The following ARAP1 variants were observed in gnomAD, a reference collection of about 807,000 sequenced individuals.
ARAP1 encodes arf-GAP with Rho-GAP domain, ANK repeat and PH domain-containing protein 1.
In ARAP1, 76 loss-of-function variants were observed where a neutral mutation model predicts 172.2. The ratio of observed to expected loss-of-function variants is 0.44; its 90% confidence interval spans 0.37 to 0.53. ARAP1 has a LOEUF of 0.53. Among genes scored for constraint, ARAP1 ranks in the 20% least tolerant of loss-of-function variants. The pLI is 0.00. For synonymous variants in ARAP1, 804 were observed against 803.3 expected (o/e 1.00, Z -0.01); for missense variants, 1,686 against 1,977.5 (o/e 0.85, Z 2.80).
rs533442573 is a variant in ARAP1, at chr11:72,720,503, G to A, written c.509+6117C>T. ...CACAAGCCGGGAGCCCCTAGGGCCA[G>A]TCCTCTCCATGCCGCCAGCAGTTCC... On this transcript the variant is annotated intron_variant, in intron 3 of 34. Transcript: ENST00000393609. 3.3e-5 allele frequency among the ~76,000 whole-genome samples: 5 copies of A among 152,298 alleles called. No homozygotes were observed. In the South Asian group the frequency reaches 1.0e-3, roughly 32 times the overall value.
At chr11:72,712,984 C>T (rs555498623) in intron 5 of ARAP1, 192 bp downstream of exon 5, 102 of 650,924 alleles carry the variant, frequency 1.6e-4, no homozygotes, top group African/African-American at 1.6e-3. Flanking sequence ...ACCAGAGCCC[C>T]GACCCCTGGC....
In ARAP1 at chr11:72,726,502, G is replaced by GT; in HGVS notation, c.509+117dup. On this transcript the variant is annotated intron_variant, in intron 3 of 34. Transcript: ENST00000393609. This position sits in a 1 kb window ranked among gnomAD's most constrained non-coding sequence, Gnocchi z 6.5. ...CTGTCCTCCGAGCTTTGCACACGCT[G>GT]TTCCCCCTGCACTTCCGAAGTGCCT... The GT allele has an allele frequency of 7.6e-7, 1 of 1,314,774 alleles. No homozygotes were observed. The highest frequency in any genetic ancestry group is 1.0e-6 in the Non-Finnish European group (1 of 988,982). 81.4% of individuals were successfully genotyped at this position (1,314,774 alleles called of 1,614,324 possible). A position where few individuals can be genotyped will look rare whatever the true frequency, so the allele number is the denominator to read the frequency against.
At chr11:72,707,118 C>T in intron 12 of ARAP1, 57 bp downstream of exon 12, 1 of 1,475,248 alleles carries the variant, frequency 6.8e-7, no homozygotes, top group Non-Finnish European at 9.1e-7. Flanking sequence ...TACCTGCCAT[C>T]CCAACTGGCC....
chr11:72,713,109 G>C (rs1279771410), intron 5 of ARAP1, 67 bp downstream of exon 5: 1 of 1,517,496 alleles, frequency 6.6e-7, no homozygotes, highest in Non-Finnish European at 9.1e-7. Flanking sequence ...TAGTCCTCAG[G>C]GTCTGACAGG....
intron 13 of ARAP1, chr11:72,705,384 T>A (rs1036049377): frequency 1.2e-5 from 2 of 162,526 alleles, no homozygotes; most frequent in East Asian, 1.8e-4. Flanking sequence ...GTGGTCAATA[T>A]GCATTTACAG....
At chr11:72,716,963 C>T (rs1366285695) in intron 3 of ARAP1, among the ~76,000 whole-genome samples, 1 of 152,198 alleles carries the variant, frequency 6.6e-6, no homozygotes, top group Non-Finnish European at 1.5e-5. Flanking sequence ...GTGGGCACTG[C>T]ACCAGGCCGT....
Position 72,726,851 on chromosome 11 carries a change from G to A in ARAP1, c.278C>T (p.Pro93Leu). The A allele has an allele frequency of 1.3e-6, 2 of 1,561,642 alleles. No individual in the cohort carries two copies. The highest frequency in any genetic ancestry group is 1.7e-6 in the Non-Finnish European group (2 of 1,152,830). The change falls in exon 3 of 35, where the codon CCT becomes CTT. Residue 93 changes from proline to leucine, a missense_variant. Transcript: ENST00000393609. The surrounding 1 kb of genome is among the most constrained non-coding windows in gnomAD (Gnocchi z 6.5). ...PMKRHIFRSP[P>L]VPATPPEPLP... ...CGGCTCGGGTGGAGTGGCAGGCACAGGTGGTGAGCGGAAGATGTGGCGCTT... is the reference window on the plus strand; with the variant it reads ...CGGCTCGGGTGGAGTGGCAGGCACAAGTGGTGAGCGGAAGATGTGGCGCTT...
At chr11:72,742,641 G>A (rs1354530040) in intron 1 of ARAP1, among the ~76,000 whole-genome samples, 1 of 152,232 alleles carries the variant, frequency 6.6e-6, no homozygotes, top group Non-Finnish European at 1.5e-5. Context: ...ATGGAGGACA[G>A]CAGGGTGCTC....
At chr11:72,690,872 A>G (rs918526425) in intron 30 of ARAP1, among the ~76,000 whole-genome samples, 10 of 152,204 alleles carry the variant, frequency 6.6e-5, no homozygotes, top group African/African-American at 1.9e-4. Context: ...AAGTGGACAT[A>G]TATCCTACTG....
At position 72,701,729 on chromosome 11, in the gene ARAP1, A is replaced by G; in HGVS notation, c.2222T>C (p.Leu741Pro). ...KPLEKHYSVV[L>P]PTVSHSGFLY... ...GAAGCCACTGTGGCTCACGGTCGGC[A>G]GGACAACTGAGTAGTGCTTTTCCAG... is the stretch of plus-strand genomic sequence containing the variant. Residue 741 changes from leucine (L) to proline (P), a missense_variant, in exon 16 of 35, where the codon CTG becomes CCG. Around this residue, in one of 5 missense-constraint regions of ARAP1, gnomAD observed 688 missense variants for 856.9 expected, o/e 0.80. Coordinates refer to ENST00000393609, the MANE Select transcript of ARAP1 (RefSeq NM_001040118.3). 1 of 1,614,020 alleles carries G rather than the reference A, an allele frequency of 6.2e-7. No individual in the cohort carries two copies. The highest frequency in any genetic ancestry group is 8.5e-7 in the Non-Finnish European group (1 of 1,179,910).
At chr11:72,707,048 G>T (rs945624464) in intron 12 of ARAP1, 127 bp downstream of exon 12, 4 of 1,011,146 alleles carry the variant, frequency 4.0e-6, no homozygotes, top group Non-Finnish European at 5.6e-6. Flanking sequence ...TGCAGGAGAA[G>T]CCTCATCAAC....
chr11:72,701,508 A>G, intron 16 of ARAP1, 141 bp downstream of exon 16: 1 of 1,196,820 alleles, frequency 8.4e-7, no homozygotes. Flanking sequence ...GGAAGTACCT[A>G]CTGTGTACCA....
rs777286441 is a variant in ARAP1, at chr11:72,710,241, G to C, written c.1416+144C>G. 1 of 1,056,230 alleles carries C rather than the reference G, an allele frequency of 9.5e-7. No individual in the cohort carries two copies. Among genetic ancestry groups the C allele is most frequent in the Admixed American group, 2.0e-5 (1 of 50,102 alleles). 65.4% of individuals were successfully genotyped at this position (1,056,230 alleles called of 1,614,324 possible). The stretch of plus-strand genomic sequence containing the variant: ...AGCCTGGGGGAAGTGGTCAGAACTT[G>C]GGGGAGCGAGGACATATCCAGGCAA... On this transcript the variant is annotated intron_variant, in intron 10 of 34. Transcript: ENST00000393609. This position sits in a 1 kb window ranked among gnomAD's most constrained non-coding sequence, Gnocchi z 4.3.
At chr11:72,748,840 G>T (rs1858449973) in intron 1 of ARAP1, among the ~76,000 whole-genome samples, 1 of 152,138 alleles carries the variant, frequency 6.6e-6, no homozygotes, top group South Asian at 2.1e-4. Context: ...TGGAAAAAAT[G>T]TTATCTCTGA....
chr11:72,705,720 T>G, intron 13 of ARAP1, 85 bp downstream of exon 13: 804 of 1,392,450 alleles, frequency 5.8e-4, no homozygotes, highest in Non-Finnish European at 7.4e-4. Context: ...CTGTGGTCAC[T>G]GAGATAGGGA....
intron 7 of ARAP1, 151 bp downstream of exon 7, chr11:72,712,044 TG>T: frequency 8.9e-7 from 1 of 1,120,116 alleles, no homozygotes; most frequent in Non-Finnish European, 1.2e-6. Flanking sequence ...GAATCATCAG[TG>T]GTCACAGTGT....
At position 72,700,016 on chromosome 11, in the gene ARAP1, A is replaced by T. The variant is rs546418411; in HGVS notation, c.2303-464T>A. 5.9e-5 allele frequency: 10 copies of T among 169,024 alleles called. No individual in the cohort carries two copies. In the East Asian group the frequency reaches 1.8e-3, roughly 30 times the overall value. The allele number at this position is 169,024 out of a possible 1,614,324, so 10.5% of individuals were successfully genotyped here. ...GTCACAGGAAGCCTTCTATGCCCCA[A>T]CCTCCTTTTCCAGAAGCATCTATCA... On this transcript the variant is annotated intron_variant, in intron 16 of 34. Coordinates refer to ENST00000393609, the MANE Select transcript of ARAP1 (RefSeq NM_001040118.3).
At chr11:72,703,184 T>C in intron 14 of ARAP1, 105 bp from the exon 15 acceptor site, 1 of 1,145,898 alleles carries the variant, frequency 8.7e-7, no homozygotes, top group Non-Finnish European at 1.2e-6. Flanking sequence ...CACCCAGGCC[T>C]GGAGCAGTCC....
rs148383460 is a variant in ARAP1, at chr11:72,721,666, C to T, written c.509+4954G>A. On this transcript the variant is annotated intron_variant, in intron 3 of 34. Transcript: ENST00000393609. ...GAGACAAGGGGAGAAAAGGAAAAGG[C>T]AGGGGAAAAAGAGAAGAAGTGGGGA... is the stretch of plus-strand genomic sequence containing the variant. 9.8e-4 allele frequency among the ~76,000 whole-genome samples: 149 copies of T among 151,860 alleles called. 1 individual carries two copies. The East Asian group carries it at 0.027, about 27-fold the overall frequency.
Sources: gnomAD v4.1 joint callset for allele counts (sites outside exome capture counted in the v4.1 genomes callset) on GRCh38, gnomAD v4.1.1 for gene constraint, gnomAD v4.1.1 regional missense constraint, Gnocchi (gnomAD v3.1) non-coding constraint, MANE v1.5 for transcripts, NCBI Gene and HGNC (gene_info 2026-07-23, HGNC 2026-07-21) for gene names.